Variants in OXCT1 observed in about 807,000 individuals in gnomAD.
OXCT1 encodes succinyl-CoA:3-ketoacid coenzyme A transferase 1, mitochondrial.
In OXCT1, 27 loss-of-function variants were observed where a neutral mutation model predicts 69.6. The ratio of observed to expected loss-of-function variants is 0.39; its 90% confidence interval spans 0.29 to 0.54. The LOEUF (loss-of-function observed/expected upper bound fraction) is 0.54. Among genes scored for constraint, OXCT1 ranks in the 20% least tolerant of loss-of-function variants. The pLI is 0.72. For synonymous variants in OXCT1, 202 were observed against 217.8 expected (o/e 0.93, Z 0.64); for missense variants, 437 against 650.2 (o/e 0.67, Z 3.57).
At chr5:41,862,408 A>G (rs1348699715) in intron 2 of OXCT1, among the ~76,000 whole-genome samples, 1 of 152,226 alleles carries the variant, frequency 6.6e-6, no homozygotes, top group Non-Finnish European at 1.5e-5. Context: ...AAACACACAA[A>G]TACACATACA....
At chr5:41,862,862 T>C in intron 1 of OXCT1, 112 bp from the exon 2 acceptor site, 1 of 684,572 alleles carries the variant, frequency 1.5e-6, no homozygotes, top group Non-Finnish European at 2.7e-6. Flanking sequence ...ATCTCCTTTA[T>C]ATATACACGT....
At chr5:41,852,682 C>G (rs1459863419) in intron 4 of OXCT1, among the ~76,000 whole-genome samples, 3 of 152,130 alleles carry the variant, frequency 2.0e-5, no homozygotes, top group Non-Finnish European at 2.9e-5. Context: ...GGTTCTGATC[C>G]CAGCACTTAC....
chr5:41,839,242 T>A (rs756555451), intron 7 of OXCT1, among the ~76,000 whole-genome samples: 1 of 152,076 alleles, frequency 6.6e-6, no homozygotes, highest in Non-Finnish European at 1.5e-5. Flanking sequence ...ACAGGAAAAA[T>A]TTTAAAGAGA....
chr5:41,799,364 A>T (rs891682151), intron 11 of OXCT1, among the ~76,000 whole-genome samples: 5 of 152,208 alleles, frequency 3.3e-5, no homozygotes, highest in Non-Finnish European at 5.9e-5. Flanking sequence ...AAAACTTATA[A>T]TATTATTAAA....
chr5:41,795,096 A>G (rs926324996), intron 11 of OXCT1, among the ~76,000 whole-genome samples: 4 of 152,214 alleles, frequency 2.6e-5, no homozygotes, highest in Admixed American at 6.5e-5. Flanking sequence ...GTTTCAGGAT[A>G]AAACTGTTGT....
At chr5:41,869,520 C>G (rs553008371) in intron 1 of OXCT1, among the ~76,000 whole-genome samples, 2 of 152,276 alleles carry the variant, frequency 1.3e-5, no homozygotes, top group South Asian at 4.2e-4. Flanking sequence ...GGTGGAGAGT[C>G]GGCAGTGGGG....
At chr5:41,737,369 C>T (rs889007381) in intron 16 of OXCT1, among the ~76,000 whole-genome samples, 1 of 152,164 alleles carries the variant, frequency 6.6e-6, no homozygotes, top group African/African-American at 2.4e-5. Context: ...CTCATATTTT[C>T]ATTCCTTATT....
Position 41,861,403 on chromosome 5 carries a change from A to G in OXCT1, c.189T>C (p.Gly63=). 1 of 1,600,278 alleles carries G rather than the reference A, an allele frequency of 6.2e-7. No individual in the cohort carries two copies. The highest frequency in any genetic ancestry group is 8.6e-7 in the Non-Finnish European group (1 of 1,167,804). The change falls in exon 3 of 17, where the codon GGT becomes GGC. Residue 63 remains glycine (G), a splice_region_variant and synonymous_variant. Transcript: ENST00000196371. The stretch of plus-strand genomic sequence containing the variant: ...TCTCTGGAATTCCACATAGCCCAAA[A>G]CCTATATTAAGCCCAAAAAATAAAC... ...IPDGATVLVG[G]FGLCGIPENL... is the part of the protein sequence containing the mutation.
intron 16 of OXCT1, among the ~76,000 whole-genome samples, chr5:41,733,943 A>T (rs1742764012): frequency 1.3e-5 from 2 of 152,218 alleles, no homozygotes; most frequent in Non-Finnish European, 2.9e-5. Flanking sequence ...TTCCCAGTGC[A>T]TTAATATCCC....
At chr5:41,782,419 G>T (rs946814381) in intron 13 of OXCT1, among the ~76,000 whole-genome samples, 2 of 151,946 alleles carry the variant, frequency 1.3e-5, no homozygotes, top group Admixed American at 1.3e-4. Context: ...TCACTGTGTT[G>T]GCCAGGCTGG....
intron 7 of OXCT1, among the ~76,000 whole-genome samples, chr5:41,811,948 T>C (rs895818683): frequency 6.6e-6 from 1 of 152,082 alleles, no homozygotes; most frequent in East Asian, 1.9e-4. Context: ...CTTATGGTCA[T>C]ATAATGCCCA....
chr5:41,826,942 G>A (rs1747835437), intron 7 of OXCT1, among the ~76,000 whole-genome samples: 1 of 152,156 alleles, frequency 6.6e-6, no homozygotes, highest in Non-Finnish European at 1.5e-5. Context: ...AAGTGTAGGA[G>A]TGAATCTCTA....
intron 1 of OXCT1, among the ~76,000 whole-genome samples, chr5:41,864,396 C>A (rs951235974): frequency 6.6e-6 from 1 of 152,178 alleles, no homozygotes; most frequent in African/African-American, 2.4e-5. Flanking sequence ...TATGCCAGCA[C>A]ACTGCTCAAA....
chr5:41,856,423 C>A (rs1395386563), intron 3 of OXCT1, among the ~76,000 whole-genome samples: 1 of 152,154 alleles, frequency 6.6e-6, no homozygotes, highest in African/African-American at 2.4e-5. Flanking sequence ...AAGTATGTGA[C>A]AAACCACTGA....
At chr5:41,793,883 GA>G (rs1297418528) in intron 13 of OXCT1, 119 bp downstream of exon 13, 1 of 706,776 alleles carries the variant, frequency 1.4e-6, no homozygotes, top group Non-Finnish European at 2.5e-6. Context: ...ATTCTAGTAA[GA>G]AATATATATT....
At chr5:41,832,426 A>T (rs1384639433) in intron 7 of OXCT1, among the ~76,000 whole-genome samples, 2 of 152,152 alleles carry the variant, frequency 1.3e-5, no homozygotes, top group Non-Finnish European at 2.9e-5. Flanking sequence ...TAACCCAGAA[A>T]ATTCTTCTGG....
chr5:41,747,421 C>G (rs539835286), intron 15 of OXCT1, among the ~76,000 whole-genome samples: 1 of 152,174 alleles, frequency 6.6e-6, no homozygotes, highest in Admixed American at 6.6e-5. Flanking sequence ...CATAAGTATT[C>G]ACTGAGTATG....
intron 7 of OXCT1, among the ~76,000 whole-genome samples, chr5:41,827,808 G>C (rs1370015264): frequency 6.6e-6 from 1 of 152,170 alleles, no homozygotes; most frequent in Non-Finnish European, 1.5e-5. Context: ...AGAGCTACAA[G>C]GCAGTTTAGA....
intron 13 of OXCT1, among the ~76,000 whole-genome samples, chr5:41,764,774 G>A (rs145293881): frequency 1.1e-4 from 16 of 152,258 alleles, no homozygotes; most frequent in African/African-American, 3.8e-4. Flanking sequence ...GGATGCAACT[G>A]CTAACTGTGG....
Sources: gnomAD v4.1 joint callset for allele counts (sites outside exome capture counted in the v4.1 genomes callset) on GRCh38, gnomAD v4.1.1 for gene constraint, MANE v1.5 for transcripts, NCBI Gene and HGNC (gene_info 2026-07-23, HGNC 2026-07-21) for gene names.